Variants in RHOU observed in about 807,000 individuals in gnomAD.
RHOU encodes the protein ras homolog family member U, also known as rho-related GTP-binding protein RhoU.
Under a neutral mutation model 12.6 loss-of-function variants are expected in RHOU, and 8 were observed. The ratio of observed to expected loss-of-function variants is 0.64; its 90% CI spans 0.37 to 1.15. The LOEUF (loss-of-function observed/expected upper bound fraction) is 1.15. Among genes scored for constraint, RHOU ranks in the 50% most tolerant of loss-of-function variants. The probability of loss-of-function intolerance (pLI) is 0.01; values close to 1 mark genes in which losing one functional copy is unlikely to be tolerated. For missense variants in RHOU, 258 were observed against 347.0 expected (o/e 0.74, Z 2.04); for synonymous variants, 161 against 147.4 (o/e 1.09, Z -0.67).
chr1:228,723,666 A>G, the RHOU span, among the ~76,000 whole-genome samples: 1 of 152,220 alleles, frequency 6.6e-6, no homozygotes, highest in Non-Finnish European at 1.5e-5. Context: ...TGGGGCCTTT[A>G]CAAAAAAGGT....
chr1:228,664,330 T>G, the RHOU span, among the ~76,000 whole-genome samples: 1 of 151,684 alleles, frequency 6.6e-6, no homozygotes. Flanking sequence ...TTCATAAAGA[T>G]AAAATTGGAA....
chr1:228,719,374 A>G, the RHOU span, among the ~76,000 whole-genome samples: 1 of 152,212 alleles, frequency 6.6e-6, no homozygotes, highest in African/African-American at 2.4e-5. Flanking sequence ...CTGTTTCTGG[A>G]GTATATTATC....
upstream of RHOU, among the ~76,000 whole-genome samples, chr1:228,732,827 A>T (rs6665334): frequency 6.6e-6 from 1 of 152,010 alleles, no homozygotes; most frequent in African/African-American, 2.4e-5. Context: ...TTCATTAAGA[A>T]AAAAAAATAC....
At chr1:228,710,105 A>C in the RHOU span, among the ~76,000 whole-genome samples, 1 of 152,220 alleles carries the variant, frequency 6.6e-6, no homozygotes, top group African/African-American at 2.4e-5. Context: ...CCAGGACTAA[A>C]CCAGGAAGAA....
At chr1:228,672,204 G>A in the RHOU span, among the ~76,000 whole-genome samples, 1 of 152,114 alleles carries the variant, frequency 6.6e-6, no homozygotes, top group Admixed American at 6.6e-5. Flanking sequence ...TTTTGCTCTT[G>A]TTGCCCAGGC....
chr1:228,718,763 A>G, the RHOU span, among the ~76,000 whole-genome samples: 2 of 152,204 alleles, frequency 1.3e-5, no homozygotes, highest in African/African-American at 2.4e-5. Flanking sequence ...TAAGGTGTGA[A>G]CCAGGAGGAC....
chr1:228,728,344 A>G, the RHOU span, among the ~76,000 whole-genome samples: 1 of 152,290 alleles, frequency 6.6e-6, no homozygotes, highest in Non-Finnish European at 1.5e-5. Flanking sequence ...GATGCATATA[A>G]ATTGCCATTT....
At chr1:228,693,475 T>A in the RHOU span, among the ~76,000 whole-genome samples, 2 of 150,812 alleles carry the variant, frequency 1.3e-5, no homozygotes, top group Admixed American at 6.6e-5. Flanking sequence ...GGTTAATAAT[T>A]TTTTTTTTTG....
At chr1:228,681,588 C>T in the RHOU span, among the ~76,000 whole-genome samples, 618 of 152,124 alleles carry the variant, frequency 4.1e-3, 4 homozygotes, top group African/African-American at 0.014. Flanking sequence ...AGACCATTTG[C>T]CCTTTTTTCG....
chr1:228,667,946 A>G, the RHOU span, among the ~76,000 whole-genome samples: 1 of 152,240 alleles, frequency 6.6e-6, no homozygotes, highest in African/African-American at 2.4e-5. Flanking sequence ...TTTGTTATTT[A>G]TAGTAAGCCT....
the RHOU span, among the ~76,000 whole-genome samples, chr1:228,704,187 C>G: frequency 6.6e-6 from 1 of 152,102 alleles, no homozygotes; most frequent in Non-Finnish European, 1.5e-5. Context: ...TCAAGTTGTT[C>G]CGCCTTACCA....
At chr1:228,713,204 G>A in the RHOU span, among the ~76,000 whole-genome samples, 1 of 152,126 alleles carries the variant, frequency 6.6e-6, no homozygotes, top group Non-Finnish European at 1.5e-5. Context: ...AAAGACCAAT[G>A]CAGGATTAGA....
chr1:228,660,605 A>G, the RHOU span, among the ~76,000 whole-genome samples: 2 of 151,726 alleles, frequency 1.3e-5, no homozygotes, highest in African/African-American at 4.8e-5. Context: ...GAAATTCATC[A>G]TAGAAAAGGA....
the RHOU span, among the ~76,000 whole-genome samples, chr1:228,730,093 C>A: frequency 1.3e-5 from 2 of 152,088 alleles, no homozygotes; most frequent in East Asian, 3.9e-4. Context: ...GATGACATCC[C>A]CAGTGGTAAA....
At chr1:228,677,113 G>A in the RHOU span, among the ~76,000 whole-genome samples, 10 of 152,302 alleles carry the variant, frequency 6.6e-5, no homozygotes, top group Non-Finnish European at 1.0e-4. Flanking sequence ...TGCTTCAAGC[G>A]GGATTGGGGT....
the RHOU span, among the ~76,000 whole-genome samples, chr1:228,715,809 T>C: frequency 7.2e-6 from 1 of 138,104 alleles, no homozygotes; most frequent in Admixed American, 7.2e-5. Context: ...TCTCTTGTGA[T>C]TATTATTTTA....
At chr1:228,720,851 C>G in the RHOU span, among the ~76,000 whole-genome samples, 1 of 152,170 alleles carries the variant, frequency 6.6e-6, no homozygotes, top group East Asian at 1.9e-4. Flanking sequence ...ACGAAGTCAT[C>G]TCCCACCCCT....
chr1:228,716,603 A>G, the RHOU span, among the ~76,000 whole-genome samples: 113 of 152,240 alleles, frequency 7.4e-4, 1 homozygote, highest in African/African-American at 2.6e-3. Context: ...TGTTTTGTGT[A>G]CTGTTCAAAT....
the RHOU span, among the ~76,000 whole-genome samples, chr1:228,656,799 A>G: frequency 6.6e-6 from 1 of 152,210 alleles, no homozygotes; most frequent in Non-Finnish European, 1.5e-5. Context: ...ATATAAAAAA[A>G]GGTAGCAAAA....
Sources: gnomAD v4.1 joint callset for allele counts (sites outside exome capture counted in the v4.1 genomes callset) on GRCh38, gnomAD v4.1.1 for gene constraint, MANE v1.5 for transcripts, NCBI Gene and HGNC (gene_info 2026-07-23, HGNC 2026-07-21) for gene names.